The following GHR variants were observed in gnomAD, a reference collection of about 807,000 sequenced individuals.
The protein encoded by GHR is growth hormone receptor, also known as GH receptor.
In GHR, 35 loss-of-function variants were observed where a neutral mutation model predicts 67.1. The observed-to-expected ratio is 0.52, with a 90% confidence interval of 0.40 to 0.69. The LOEUF (loss-of-function observed/expected upper bound fraction) is 0.69. GHR is among the 30% of genes least tolerant of loss of function. The pLI, the probability that GHR is intolerant of heterozygous loss-of-function variation, is 0.00. For synonymous variants in GHR, 272 were observed against 269.1 expected (o/e 1.01, Z -0.10); for missense variants, 792 against 764.6 (o/e 1.04, Z -0.42).
chr5:42,464,568 T>C (rs1481011692), intron 1 of GHR, among the ~76,000 whole-genome samples: 2 of 151,984 alleles, frequency 1.3e-5, no homozygotes, highest in Non-Finnish European at 2.9e-5. Context: ...AGAGGAAAAG[T>C]AGGAGGGTCA....
intron 1 of GHR, among the ~76,000 whole-genome samples, chr5:42,534,109 T>C (rs1407365158): frequency 6.7e-6 from 1 of 148,726 alleles, no homozygotes; most frequent in Non-Finnish European, 1.5e-5. Context: ...TATGTACGTA[T>C]GTATATATGT....
intron 3 of GHR, among the ~76,000 whole-genome samples, chr5:42,678,877 G>C (rs1756696496): frequency 6.6e-6 from 1 of 150,820 alleles, no homozygotes; most frequent in Non-Finnish European, 1.5e-5. Context: ...TATTTTACAT[G>C]TGCGTGTGTA....
intron 1 of GHR, among the ~76,000 whole-genome samples, chr5:42,550,545 A>C (rs530267228): frequency 1.6e-3 from 247 of 152,332 alleles, no homozygotes; most frequent in African/African-American, 5.7e-3. Context: ...TTTTCTAAGG[A>C]AAAAAATTGT....
chr5:42,427,102 C>A (rs1037597877), intron 1 of GHR, among the ~76,000 whole-genome samples: 39 of 152,326 alleles, frequency 2.6e-4, no homozygotes, highest in African/African-American at 8.2e-4. Flanking sequence ...CTTGCCGAAT[C>A]CCCTTTTGCC....
chr5:42,533,344 A>G (rs1200939306), intron 1 of GHR, among the ~76,000 whole-genome samples: 1 of 151,984 alleles, frequency 6.6e-6, no homozygotes, highest in Non-Finnish European at 1.5e-5. Flanking sequence ...TTCATATTTC[A>G]TATATAAATA....
intron 1 of GHR, among the ~76,000 whole-genome samples, chr5:42,444,852 C>T (rs981308972): frequency 2.0e-5 from 3 of 152,146 alleles, no homozygotes; most frequent in Non-Finnish European, 4.4e-5. Flanking sequence ...TTTCCAGCTA[C>T]AAATTCCTCT....
intron 1 of GHR, among the ~76,000 whole-genome samples, chr5:42,460,413 A>G (rs367842806): frequency 1.3e-4 from 20 of 152,198 alleles, no homozygotes; most frequent in African/African-American, 4.8e-4. Context: ...AACACATTAC[A>G]TTTTCTTCAA....
chr5:42,653,498 G>C (rs1178740179), intron 3 of GHR, among the ~76,000 whole-genome samples: 2 of 152,102 alleles, frequency 1.3e-5, no homozygotes, highest in Non-Finnish European at 2.9e-5. Flanking sequence ...GTCATATTGA[G>C]CTTGTGAGGT....
chr5:42,578,064 T>C (rs1305436672), intron 2 of GHR, among the ~76,000 whole-genome samples: 1 of 152,178 alleles, frequency 6.6e-6, no homozygotes, highest in Non-Finnish European at 1.5e-5. Flanking sequence ...TTGGCACTAT[T>C]GAGATTTTAG....
At chr5:42,678,481 C>A (rs1756678002) in intron 3 of GHR, among the ~76,000 whole-genome samples, 1 of 152,066 alleles carries the variant, frequency 6.6e-6, no homozygotes, top group Non-Finnish European at 1.5e-5. Flanking sequence ...CCGTAATTCA[C>A]TAGGATAATC....
intron 1 of GHR, among the ~76,000 whole-genome samples, chr5:42,542,793 C>T (rs986167826): frequency 4.6e-5 from 7 of 151,998 alleles, no homozygotes; most frequent in African/African-American, 1.7e-4. Context: ...CCACCCCTAC[C>T]CCCTCCTCAG....
chr5:42,428,966 C>G (rs750100346), intron 1 of GHR, among the ~76,000 whole-genome samples: 16 of 152,162 alleles, frequency 1.1e-4, no homozygotes, highest in Non-Finnish European at 1.8e-4. Context: ...CTGTTCAAAC[C>G]TCTGCCTGTT....
At chr5:42,494,848 T>C (rs778924762) in intron 1 of GHR, among the ~76,000 whole-genome samples, 59 of 152,164 alleles carry the variant, frequency 3.9e-4, no homozygotes, top group Non-Finnish European at 5.4e-4. Context: ...ATGGCTACTA[T>C]AAAAATGCAT....
intron 1 of GHR, among the ~76,000 whole-genome samples, chr5:42,482,992 C>T (rs1485432313): frequency 6.6e-6 from 1 of 152,186 alleles, no homozygotes; most frequent in Non-Finnish European, 1.5e-5. Flanking sequence ...GAGCTGTAGA[C>T]TGGAGCTATT....
intron 1 of GHR, among the ~76,000 whole-genome samples, chr5:42,541,466 G>A (rs968765543): frequency 6.6e-6 from 1 of 152,112 alleles, no homozygotes; most frequent in African/African-American, 2.4e-5. Flanking sequence ...GAGATAGTGG[G>A]TGAGAGTGGG....
intron 1 of GHR, among the ~76,000 whole-genome samples, chr5:42,521,120 G>C (rs1747455107): frequency 6.6e-6 from 1 of 152,136 alleles, no homozygotes; most frequent in South Asian, 2.1e-4. Flanking sequence ...AATGTTTATG[G>C]AATGATCAGC....
chr5:42,696,647 G>A (rs1461441273), intron 5 of GHR, among the ~76,000 whole-genome samples: 1 of 152,158 alleles, frequency 6.6e-6, no homozygotes, highest in Non-Finnish European at 1.5e-5. Flanking sequence ...CTAGTCAGCT[G>A]GAGAAATCAT....
intron 3 of GHR, among the ~76,000 whole-genome samples, chr5:42,663,531 A>T (rs565440564): frequency 0.017 from 2,620 of 152,248 alleles, 136 homozygotes; most frequent in South Asian, 0.15. Context: ...AAGTTCTTTG[A>T]CAAAATTCAA....
chr5:42,429,229 G>A (rs1016229043), intron 1 of GHR, among the ~76,000 whole-genome samples: 6 of 152,132 alleles, frequency 3.9e-5, no homozygotes, highest in African/African-American at 1.4e-4. Context: ...CATGTGCGGG[G>A]GAACTACCCT....
Sources: gnomAD v4.1 joint callset for allele counts (sites outside exome capture counted in the v4.1 genomes callset) on GRCh38, gnomAD v4.1.1 for gene constraint, MANE v1.5 for transcripts, NCBI Gene and HGNC (gene_info 2026-07-23, HGNC 2026-07-21) for gene names.